NFAM1: variants seen among roughly 807,000 people sequenced by gnomAD.
NFAM1 encodes NFAT activating protein with ITAM motif 1, also known as NFAT activation molecule 1.
NFAM1 carries 17 observed loss-of-function variants against 29.0 expected under a neutral mutation model. The ratio of observed to expected loss-of-function variants is 0.59; its 90% confidence interval spans 0.40 to 0.88. The LOEUF is 0.88. NFAM1 is among the 40% of genes least tolerant of loss of function. The pLI is 0.00. For synonymous variants in NFAM1, 175 were observed against 147.2 expected (o/e 1.19, Z -1.36); for missense variants, 324 against 344.6 (o/e 0.94, Z 0.47).
chr22:42,415,374 A>T (rs1362396263), intron 1 of NFAM1, among the ~76,000 whole-genome samples: 8 of 138,104 alleles, frequency 5.8e-5, no homozygotes, highest in Non-Finnish European at 1.2e-4. Context: ...ATCTCAGCTC[A>T]CTGCAAACTC....
intron 4 of NFAM1, 140 bp downstream of exon 4, chr22:42,397,718 C>A (rs947208183): frequency 1.6e-6 from 1 of 627,548 alleles, no homozygotes; most frequent in Non-Finnish European, 2.9e-6. Flanking sequence ...GAATTGTTAT[C>A]CCCATTTTAT....
intron 1 of NFAM1, among the ~76,000 whole-genome samples, chr22:42,422,162 T>C (rs1367164664): frequency 6.6e-6 from 1 of 152,116 alleles, no homozygotes; most frequent in East Asian, 1.9e-4. Flanking sequence ...CATCCATGGC[T>C]CATTTTCATG....
upstream of NFAM1, among the ~76,000 whole-genome samples, chr22:42,432,769 C>T (rs1930852278): frequency 6.6e-6 from 1 of 152,266 alleles, no homozygotes; most frequent in Non-Finnish European, 1.5e-5. Context: ...TTCACACAAA[C>T]TTCTCTAAAA....
At chr22:42,433,277 G>C (rs1930863981), upstream of NFAM1, among the ~76,000 whole-genome samples, 2 of 152,338 alleles carry the variant, frequency 1.3e-5, no homozygotes, top group East Asian at 1.9e-4. Flanking sequence ...GGAGGCACCT[G>C]GTACATGGAA....
At chr22:42,437,036 G>A (rs1290964301), upstream of NFAM1, 3 of 981,952 alleles carry the variant, frequency 3.1e-6, no homozygotes, top group Non-Finnish European at 3.6e-6. Context: ...GTTTCTGGGA[G>A]GCAGCAAGGA....
intron 1 of NFAM1, among the ~76,000 whole-genome samples, chr22:42,431,995 G>A (rs980443981): frequency 1.3e-5 from 2 of 152,146 alleles, no homozygotes; most frequent in African/African-American, 4.8e-5. Context: ...CTGGGGCAAA[G>A]CTGTCACAGC....
chr22:42,403,855 C>T (rs1251829739), intron 3 of NFAM1, among the ~76,000 whole-genome samples: 1 of 152,134 alleles, frequency 6.6e-6, no homozygotes, highest in Admixed American at 6.5e-5. Flanking sequence ...GGAAGAAAGC[C>T]ATGGTGTCAG....
At chr22:42,392,764 T>C (rs1929387249) in intron 4 of NFAM1, among the ~76,000 whole-genome samples, 1 of 152,154 alleles carries the variant, frequency 6.6e-6, no homozygotes, top group African/African-American at 2.4e-5. Context: ...TTCATGCTTT[T>C]AATATGTCAA....
chr22:42,436,119 C>T (rs1050918500), upstream of NFAM1, among the ~76,000 whole-genome samples: 1 of 152,216 alleles, frequency 6.6e-6, no homozygotes, highest in Non-Finnish European at 1.5e-5. Context: ...CGCACCCGGC[C>T]TCAATCCAGG....
At chr22:42,399,277 T>C (rs539772254) in intron 3 of NFAM1, among the ~76,000 whole-genome samples, 1 of 151,450 alleles carries the variant, frequency 6.6e-6, no homozygotes, top group African/African-American at 2.4e-5. Context: ...CAACACCCCA[T>C]CTCTACTAAA....
intron 1 of NFAM1, among the ~76,000 whole-genome samples, chr22:42,427,794 C>G (rs967318515): frequency 8.5e-5 from 13 of 152,152 alleles, no homozygotes; most frequent in African/African-American, 2.9e-4. Flanking sequence ...CAAAGCTAGT[C>G]CATATGGTTT....
intron 3 of NFAM1, among the ~76,000 whole-genome samples, chr22:42,399,997 A>G (rs1479911155): frequency 6.6e-6 from 1 of 152,136 alleles, no homozygotes; most frequent in Non-Finnish European, 1.5e-5. Flanking sequence ...CGCGCCCTCC[A>G]CAAACCGCAG....
At chr22:42,396,857 G>A (rs1009521298) in intron 4 of NFAM1, among the ~76,000 whole-genome samples, 6 of 152,232 alleles carry the variant, frequency 3.9e-5, no homozygotes, top group African/African-American at 7.2e-5. Context: ...TTATTAGGGT[G>A]AGTCAATGTT....
chr22:42,437,852 G>C, the NFAM1 span, among the ~76,000 whole-genome samples: 150 of 152,184 alleles, frequency 9.9e-4, no homozygotes, highest in African/African-American at 3.5e-3. Flanking sequence ...GCCGGCGGAG[G>C]GCTGTCGGTA....
intron 2 of NFAM1, among the ~76,000 whole-genome samples, 197 bp downstream of exon 2, chr22:42,411,210 G>C (rs7292416): frequency 0.033 from 4,945 of 151,932 alleles, 97 homozygotes; most frequent in South Asian, 0.048. Flanking sequence ...TTTTAGTAGA[G>C]ACGGGGTTTC....
At chr22:42,411,785 C>T in intron 1 of NFAM1, 49 bp from the exon 2 acceptor site, 1 of 1,325,222 alleles carries the variant, frequency 7.5e-7, no homozygotes, top group Non-Finnish European at 1.1e-6. Context: ...GAGGCTGCCT[C>T]AGTCCCACCC....
chr22:42,388,231 C>T lies in NFAM1; in HGVS notation c.664-1153G>A, dbSNP rs538495974. Among the ~76,000 whole-genome samples, 6 of 152,340 alleles carry T rather than the reference C, an allele frequency of 3.9e-5. No homozygotes were observed. In the East Asian group the frequency reaches 1.2e-3, roughly 29 times the overall value. On this transcript the variant is annotated intron_variant, in intron 4 of 5. Coordinates refer to ENST00000329021, the MANE Select transcript of NFAM1 (RefSeq NM_145912.8). The surrounding 1 kb of genome is among the most constrained non-coding windows in gnomAD (Gnocchi z 4.1). The stretch of plus-strand genomic sequence containing the variant: ...TCTGACTGCGCCAGCCAAAGGCAAC[C>T]CCTTAACCGCTCCATGCCTCAGTTT...
chr22:42,410,553 G>T, intron 2 of NFAM1: 2 of 286,130 alleles, frequency 7.0e-6, no homozygotes, highest in South Asian at 2.6e-5. Context: ...CAGGTACTTG[G>T]GAGGCTGAGG....
intron 3 of NFAM1, among the ~76,000 whole-genome samples, chr22:42,404,996 C>T (rs1053177588): frequency 6.6e-6 from 1 of 152,082 alleles, no homozygotes. Context: ...ACCCTGTTGG[C>T]ACTTAGCCTA....
Sources: gnomAD v4.1 joint callset for allele counts (sites outside exome capture counted in the v4.1 genomes callset) on GRCh38, gnomAD v4.1.1 for gene constraint, Gnocchi (gnomAD v3.1) non-coding constraint, MANE v1.5 for transcripts, NCBI Gene and HGNC (gene_info 2026-07-23, HGNC 2026-07-21) for gene names.